GRB10: variants seen among roughly 807,000 people sequenced by gnomAD.
GRB10 encodes the protein growth factor receptor-bound protein 10.
GRB10 carries 20 observed loss-of-function variants against 80.9 expected under a neutral mutation model. The observed-to-expected ratio is 0.25, with a 90% CI of 0.17 to 0.36. The LOEUF is 0.36. GRB10 is among the 10% of genes least tolerant of loss of function. GRB10 has a pLI of 1.00. For synonymous variants in GRB10, 291 were observed against 291.5 expected (o/e 1.00, Z 0.02); for missense variants, 548 against 747.7 (o/e 0.73, Z 3.12).
chr7:50,663,906 C>T (rs1455823751), intron 7 of GRB10, among the ~76,000 whole-genome samples: 1 of 152,212 alleles, frequency 6.6e-6, no homozygotes. Context: ...CCAGGACCTG[C>T]CTGCCAGGGT....
chr7:50,599,102 G>T (rs1212649048), intron 17 of GRB10, among the ~76,000 whole-genome samples: 1 of 152,198 alleles, frequency 6.6e-6, no homozygotes, highest in African/African-American at 2.4e-5. Flanking sequence ...AAGACAGGAA[G>T]GAAGCAGGCG....
At chr7:50,609,376 G>A (rs1209945434) in intron 13 of GRB10, among the ~76,000 whole-genome samples, 3 of 152,106 alleles carry the variant, frequency 2.0e-5, no homozygotes, top group Non-Finnish European at 4.4e-5. Context: ...ATTAGACTCT[G>A]GGGCAAGGAG....
At chr7:50,732,028 G>C (rs2069841984) in intron 4 of GRB10, among the ~76,000 whole-genome samples, 1 of 152,224 alleles carries the variant, frequency 6.6e-6, no homozygotes, top group Non-Finnish European at 1.5e-5. Flanking sequence ...AACTCTTTTA[G>C]AAAAGTACGC....
At chr7:50,611,016 C>T (rs747091599) in intron 13 of GRB10, among the ~76,000 whole-genome samples, 5 of 151,322 alleles carry the variant, frequency 3.3e-5, no homozygotes, top group Admixed American at 6.6e-5. Context: ...TTTTCCAAAA[C>T]AGATGATTCA....
chr7:50,667,879 C>T (rs997064706), intron 7 of GRB10, among the ~76,000 whole-genome samples: 12 of 152,180 alleles, frequency 7.9e-5, no homozygotes, highest in African/African-American at 2.7e-4. Context: ...TGGACAATCC[C>T]TGGGGGTGGA....
At chr7:50,738,213 T>G (rs1698394441) in intron 3 of GRB10, among the ~76,000 whole-genome samples, 2 of 152,184 alleles carry the variant, frequency 1.3e-5, no homozygotes. Flanking sequence ...TGGTGATTCC[T>G]CAAAAATATT....
chr7:50,605,902 A>G (rs2048433892), intron 14 of GRB10, among the ~76,000 whole-genome samples: 1 of 152,216 alleles, frequency 6.6e-6, no homozygotes, highest in Non-Finnish European at 1.5e-5. Context: ...TCCTTTGAGA[A>G]CAGAGTGCCC....
chr7:50,700,078 G>T (rs527447824), intron 5 of GRB10, among the ~76,000 whole-genome samples: 1 of 151,886 alleles, frequency 6.6e-6, no homozygotes, highest in Non-Finnish European at 1.5e-5. Context: ...GGCAGAGATT[G>T]CAGTGAGCCG....
At chr7:50,634,969 T>C (rs1227360396) in intron 7 of GRB10, among the ~76,000 whole-genome samples, 1 of 152,188 alleles carries the variant, frequency 6.6e-6, no homozygotes, top group Non-Finnish European at 1.5e-5. Flanking sequence ...CTGACAACAG[T>C]AGACAGGTAA....
Position 50,643,005 on chromosome 7 carries a change from C to T in GRB10, c.505-16027G>A, listed in dbSNP as rs564096138. On this transcript the variant is annotated intron_variant, in intron 7 of 18. Coordinates refer to ENST00000401949, the MANE Select transcript of GRB10 (RefSeq NM_001350814.2). ...TCTCAAATCATCTTCCTTCAAATTA[C>T]TTCTTAATTACAAAAGGAAAATACA... Among the ~76,000 whole-genome samples the T allele has an allele frequency of 6.2e-4, 94 of 152,292 alleles. No individual in the cohort carries two copies. The Middle Eastern group carries it at 0.014, about 22-fold the overall frequency.
intron 2 of GRB10, among the ~76,000 whole-genome samples, chr7:50,769,604 G>C (rs985938681): frequency 1.3e-5 from 2 of 152,144 alleles, no homozygotes; most frequent in Admixed American, 6.6e-5. Context: ...TGGTTCAGGG[G>C]TCTCTGAGCA....
At chr7:50,759,233 C>T (rs374193678) in intron 2 of GRB10, among the ~76,000 whole-genome samples, 5 of 151,750 alleles carry the variant, frequency 3.3e-5, no homozygotes, top group African/African-American at 1.2e-4. Flanking sequence ...AAACTTCACA[C>T]CACTTTTATC....
intron 4 of GRB10, among the ~76,000 whole-genome samples, chr7:50,727,367 C>A (rs1302640407): frequency 4.6e-5 from 7 of 152,230 alleles, no homozygotes; most frequent in Admixed American, 1.3e-4. Flanking sequence ...GGGCTGGGAG[C>A]TCCCTGCAGG....
chr7:50,602,707 T>A (rs756110724), intron 17 of GRB10, among the ~76,000 whole-genome samples: 25 of 152,044 alleles, frequency 1.6e-4, no homozygotes, highest in Non-Finnish European at 2.9e-4. Flanking sequence ...TTTAAAGGAG[T>A]TTTTTTGGTG....
intron 5 of GRB10, among the ~76,000 whole-genome samples, chr7:50,692,668 G>C (rs1298980838): frequency 6.6e-6 from 1 of 152,130 alleles, no homozygotes; most frequent in African/African-American, 2.4e-5. Context: ...TATGACTTCA[G>C]ACCAGGCAGT....
At chr7:50,624,709 A>G (rs1455444281) in intron 8 of GRB10, among the ~76,000 whole-genome samples, 1 of 152,236 alleles carries the variant, frequency 6.6e-6, no homozygotes, top group African/African-American at 2.4e-5. Flanking sequence ...CTAGTAACTA[A>G]TAAGAACGGG....
At position 50,606,464 on chromosome 7, in the gene GRB10, C is replaced by T. The variant is rs763006545; in HGVS notation, c.1195-50G>A. The T allele has an allele frequency of 1.6e-5, 22 of 1,343,518 alleles. No homozygotes were observed. The South Asian group carries it at 1.7e-4, about 11-fold the overall frequency. The allele number at this position is 1,343,518 out of a possible 1,614,324, so 83.2% of individuals were successfully genotyped here. A position where few individuals can be genotyped will look rare whatever the true frequency, so the allele number is the denominator to read the frequency against. On this transcript the variant is annotated intron_variant, in intron 13 of 18. Transcript: ENST00000401949. ...TCACCGGCCCGGGAGCCCCGAGGCC[C>T]GGCATGTGACAAACGCCACAGCAGG...
chr7:50,724,247 C>T (rs1050257424), intron 4 of GRB10, among the ~76,000 whole-genome samples: 2 of 152,242 alleles, frequency 1.3e-5, no homozygotes, highest in African/African-American at 4.8e-5. Flanking sequence ...ACTAGTGCTT[C>T]AGGAGCCACC....
chr7:50,681,097 C>A (rs1382736121), intron 5 of GRB10, among the ~76,000 whole-genome samples: 1 of 152,200 alleles, frequency 6.6e-6, no homozygotes, highest in African/African-American at 2.4e-5. Flanking sequence ...TAAAGCACTA[C>A]CCCGCCCTTT....
Sources: allele counts gnomAD v4.1 joint callset (sites outside exome capture counted in the v4.1 genomes callset), GRCh38; gene constraint gnomAD v4.1.1; transcripts MANE v1.5; gene names NCBI Gene and HGNC (gene_info 2026-07-23, HGNC 2026-07-21).